GBF1: variants seen among roughly 807,000 people sequenced by gnomAD.
GBF1 encodes Golgi-specific brefeldin A-resistance guanine nucleotide exchange factor 1.
Under a neutral mutation model 210.5 loss-of-function variants are expected in GBF1, and 114 were observed. That is an observed-to-expected ratio of 0.54 (90% CI 0.47 to 0.63). The LOEUF (loss-of-function observed/expected upper bound fraction) is 0.63, where lower values mean the gene tolerates loss of function less well. Ranked by LOEUF, GBF1 falls within the 30% of genes least tolerant of loss-of-function variation. The probability of loss-of-function intolerance (pLI) is 0.00; values close to 1 mark genes in which losing one functional copy is unlikely to be tolerated. For missense variants in GBF1, 1,851 were observed against 2,357.7 expected (o/e 0.79, Z 4.45); for synonymous variants, 850 against 889.2 (o/e 0.96, Z 0.78).
intron 1 of GBF1, among the ~76,000 whole-genome samples, chr10:102,249,088 AT>A (rs1295970131): frequency 6.6e-6 from 1 of 152,188 alleles, no homozygotes; most frequent in Non-Finnish European, 1.5e-5. Context: ...AGTTAAAAGT[AT>A]TTTTAAGCCT....
At chr10:102,358,364 G>T in intron 9 of GBF1, 142 bp from the exon 10 acceptor site, 2 of 790,448 alleles carry the variant, frequency 2.5e-6, no homozygotes, top group Admixed American at 5.0e-5. Flanking sequence ...GTGACTTAAG[G>T]TTGTTCTCTG....
At chr10:102,262,438 T>C (rs2073356070) in intron 3 of GBF1, among the ~76,000 whole-genome samples, 1 of 152,208 alleles carries the variant, frequency 6.6e-6, no homozygotes, top group African/African-American at 2.4e-5. Flanking sequence ...TGGTTTTGAA[T>C]TCAGAGTACT....
intron 3 of GBF1, among the ~76,000 whole-genome samples, chr10:102,334,589 C>T (rs180893883): frequency 1.3e-5 from 2 of 152,282 alleles, no homozygotes; most frequent in Admixed American, 1.3e-4. Context: ...TGGTTCATCC[C>T]TGTAATCCCA....
At chr10:102,367,348 G>A in intron 20 of GBF1, 130 bp from the exon 21 acceptor site, 10 of 1,161,096 alleles carry the variant, frequency 8.6e-6, no homozygotes, top group Non-Finnish European at 1.2e-5. Context: ...ACCTAGAAAA[G>A]GGACTGGGGT....
intron 3 of GBF1, among the ~76,000 whole-genome samples, chr10:102,262,060 T>G (rs1004285233): frequency 6.6e-6 from 1 of 152,240 alleles, no homozygotes; most frequent in Non-Finnish European, 1.5e-5. Flanking sequence ...AATTTTTGTA[T>G]TTTTAGTAGA....
intron 3 of GBF1, among the ~76,000 whole-genome samples, chr10:102,319,929 A>G (rs1279974699): frequency 6.6e-6 from 1 of 151,844 alleles, no homozygotes; most frequent in Non-Finnish European, 1.5e-5. Context: ...GGGTTTCACC[A>G]TATTGGCCAG....
rs377000811 is a variant in GBF1 at position 102,370,396 on chromosome 10, G to T, written c.3424G>T (p.Val1142Leu). The T allele has an allele frequency of 6.2e-7, 1 of 1,606,826 alleles. No individual in the cohort carries two copies. Among genetic ancestry groups the T allele is most frequent in the Non-Finnish European group, 8.5e-7 (1 of 1,173,346 alleles). The change falls in exon 28 of 40, where the codon GTG becomes TTG. Residue 1142 changes from valine (V) to leucine (L), a missense_variant. Around this residue, in one of 3 missense-constraint regions of GBF1, gnomAD observed 967 missense variants for 1,247.7 expected, o/e 0.78. Coordinates refer to ENST00000369983, the MANE Select transcript of GBF1 (RefSeq NM_001377137.1). ...LQELMKALVSVTPDEETYDEE... is the reference protein window; with the variant it reads ...LQELMKALVSLTPDEETYDEE... ...TGTTCCCCTTCAGGCTCTGGTCTCAGTGACACCAGATGAAGAGACATATGA... is the reference window on the plus strand; with the variant it reads ...TGTTCCCCTTCAGGCTCTGGTCTCATTGACACCAGATGAAGAGACATATGA...
chr10:102,338,148 A>T (rs188585094), intron 3 of GBF1, among the ~76,000 whole-genome samples: 25 of 152,182 alleles, frequency 1.6e-4, no homozygotes, highest in Non-Finnish European at 3.1e-4. Flanking sequence ...CTAGTTTTTC[A>T]TCAGTAGGTT....
chr10:102,342,968 G>C (rs990896404), intron 3 of GBF1, among the ~76,000 whole-genome samples: 2 of 152,082 alleles, frequency 1.3e-5, no homozygotes, highest in Non-Finnish European at 2.9e-5. Context: ...ACATAGGCTG[G>C]GTTCAAATCC....
At chr10:102,316,513 ATATTAGTGTCTT>A (rs536892678) in intron 3 of GBF1, among the ~76,000 whole-genome samples, 114 of 152,218 alleles carry the variant, frequency 7.5e-4, no homozygotes, top group Middle Eastern at 3.4e-3. Flanking sequence ...TCTCATCACA[ATATTAGTGTCTT>A]TTTAACAAGC....
At chr10:102,342,475 G>A (rs1417937095) in intron 3 of GBF1, among the ~76,000 whole-genome samples, 3 of 151,962 alleles carry the variant, frequency 2.0e-5, no homozygotes, top group Non-Finnish European at 4.4e-5. Context: ...CTCTAGGTGG[G>A]GGTAGTAGGG....
At chr10:102,259,131 A>G (rs1310595365) in intron 2 of GBF1, 97 bp downstream of exon 2, 9 of 729,688 alleles carry the variant, frequency 1.2e-5, no homozygotes, top group African/African-American at 3.5e-5. Context: ...TAATAATGAG[A>G]ATAGTAGGAA....
intron 3 of GBF1, among the ~76,000 whole-genome samples, chr10:102,288,729 A>C (rs993430133): frequency 6.9e-6 from 1 of 145,662 alleles, no homozygotes; most frequent in African/African-American, 2.5e-5. Flanking sequence ...AAGGAAAAAA[A>C]AAAAAACAAA....
rs910219270 is a variant in GBF1, at chr10:102,322,356, C to T, written c.164-21695C>T. Reference sequence around the variant, plus strand: ...CCTAACCAGGAACATGTTATGGCTTCTCCATTTAGTCAAGACTTCTCTGGT... The same window carrying T: ...CCTAACCAGGAACATGTTATGGCTTTTCCATTTAGTCAAGACTTCTCTGGT... On this transcript the variant is annotated intron_variant, in intron 3 of 39. Coordinates refer to ENST00000369983, the MANE Select transcript of GBF1 (RefSeq NM_001377137.1). Among the ~76,000 whole-genome samples, 3 of 152,172 alleles carry T rather than the reference C, an allele frequency of 2.0e-5. No individual in the cohort carries two copies. The South Asian group carries it at 6.2e-4, about 32-fold the overall frequency.
chr10:102,319,681 T>C (rs894598353), intron 3 of GBF1, among the ~76,000 whole-genome samples: 2 of 151,872 alleles, frequency 1.3e-5, no homozygotes, highest in African/African-American at 4.8e-5. Context: ...TCCTTTTTCT[T>C]GTTTATGCTA....
Position 102,376,333 on chromosome 10 carries a change from G to T in GBF1, c.3948G>T (p.Gly1316=), listed in dbSNP as rs1445924344. The T allele has an allele frequency of 6.2e-7, 1 of 1,613,736 alleles. No individual in the cohort carries two copies. ...AGAATGACGTGAGCCTGGATCGAGG[G>T]TACACTTCCGACTCAGAGGTCTACA... ...YHQNDVSLDR[G]YTSDSEVYTD... The change falls in exon 31 of 40, where the codon GGG becomes GGT. Residue 1316 remains glycine (G), a synonymous_variant. Coordinates refer to ENST00000369983, the MANE Select transcript of GBF1 (RefSeq NM_001377137.1).
chr10:102,307,443 CAA>C (rs1214986314), intron 3 of GBF1, among the ~76,000 whole-genome samples: 15 of 51,744 alleles, frequency 2.9e-4, no homozygotes, highest in Non-Finnish European at 2.5e-4. Context: ...CCAACCTTGG[CAA>C]AAAAAAAAAA....
At chr10:102,284,089 C>T (rs899286254) in intron 3 of GBF1, among the ~76,000 whole-genome samples, 11 of 75,254 alleles carry the variant, frequency 1.5e-4, no homozygotes, top group Non-Finnish European at 2.5e-4. Flanking sequence ...GCACTATGGA[C>T]TGAGGTACCT....
the GBF1 span, chr10:102,231,005 G>GC: frequency 6.3e-7 from 1 of 1,597,956 alleles, no homozygotes. Flanking sequence ...GGCGGCACCA[G>GC]CCCCCCGAGC....
Sources: gnomAD v4.1 joint callset for allele counts (sites outside exome capture counted in the v4.1 genomes callset) on GRCh38, gnomAD v4.1.1 for gene constraint, gnomAD v4.1.1 regional missense constraint, MANE v1.5 for transcripts, NCBI Gene and HGNC (gene_info 2026-07-23, HGNC 2026-07-21) for gene names.